The following LASP1 variants were observed in gnomAD, a reference collection of about 807,000 sequenced individuals.
LASP1 encodes LIM and SH3 domain protein 1.
LASP1 carries 10 observed loss-of-function variants against 38.6 expected under a neutral mutation model. That is an observed-to-expected ratio of 0.26 (90% confidence interval 0.16 to 0.44). The LOEUF (loss-of-function observed/expected upper bound fraction) is 0.44, where lower values mean the gene tolerates loss of function less well. LASP1 is among the 20% of genes least tolerant of loss of function. The probability of loss-of-function intolerance (pLI) is 1.00; values close to 1 mark genes in which losing one functional copy is unlikely to be tolerated. For missense variants in LASP1, 243 were observed against 375.7 expected (o/e 0.65, Z 2.92); for synonymous variants, 132 against 140.8 (o/e 0.94, Z 0.44).
intron 2 of LASP1, among the ~76,000 whole-genome samples, chr17:38,880,308 C>T (rs1288979417): frequency 6.6e-6 from 1 of 152,254 alleles, no homozygotes; most frequent in Non-Finnish European, 1.5e-5. Flanking sequence ...TGCGTTTTAT[C>T]AGCCTCATCC....
chr17:38,875,073 G>GTGTGTGTGTGTGTGTT (rs1555553213), intron 1 of LASP1, among the ~76,000 whole-genome samples: 1 of 147,496 alleles, frequency 6.8e-6, no homozygotes, highest in African/African-American at 2.5e-5. Context: ...GTGTGTGTGT[G>GTGTGTGTGTGTGTGTT]TGTGTGTGTG....
At chr17:38,898,600 G>A in intron 4 of LASP1, 81 bp downstream of exon 4, 1 of 1,086,116 alleles carries the variant, frequency 9.2e-7, no homozygotes, top group East Asian at 2.6e-5. Context: ...ACGCAAGCCT[G>A]GCAGATGTGA....
At chr17:38,907,148 T>A (rs1039669930) in intron 4 of LASP1, among the ~76,000 whole-genome samples, 3 of 152,148 alleles carry the variant, frequency 2.0e-5, no homozygotes, top group African/African-American at 7.2e-5. Context: ...ATTTCCTCAT[T>A]TGCTGGCGAG....
At position 38,903,212 on chromosome 17, in the gene LASP1, G is replaced by T. The variant is rs568515239; in HGVS notation, c.357+4693G>T. Among the ~76,000 whole-genome samples the T allele has an allele frequency of 3.9e-5, 6 of 152,284 alleles. No individual in the cohort carries two copies. The East Asian group carries it at 1.2e-3, about 29-fold the overall frequency. On this transcript the variant is annotated intron_variant, in intron 4 of 6. Coordinates refer to ENST00000318008, the MANE Select transcript of LASP1 (RefSeq NM_006148.4). ...ACAGTGAGGTAGGAAGAGATGGTAAGGGCCCAGATCCTAGCTTCTGTCATT... is the reference window on the plus strand; with the variant it reads ...ACAGTGAGGTAGGAAGAGATGGTAATGGCCCAGATCCTAGCTTCTGTCATT...
intron 3 of LASP1, among the ~76,000 whole-genome samples, chr17:38,893,144 T>C (rs1410082477): frequency 1.3e-5 from 2 of 152,240 alleles, no homozygotes; most frequent in East Asian, 3.9e-4. Flanking sequence ...GCTGCCCTGC[T>C]TGTGCAGAGC....
At chr17:38,893,675 A>C (rs1040383454) in intron 3 of LASP1, among the ~76,000 whole-genome samples, 1 of 152,122 alleles carries the variant, frequency 6.6e-6, no homozygotes, top group African/African-American at 2.4e-5. Context: ...TTCCTCTCAT[A>C]GCTTTGCTTC....
chr17:38,903,151 A>G (rs1286931799), intron 4 of LASP1, among the ~76,000 whole-genome samples: 1 of 152,182 alleles, frequency 6.6e-6, no homozygotes, highest in Non-Finnish European at 1.5e-5. Context: ...TGCTTTGGAT[A>G]AGTGCAGTCT....
chr17:38,914,524 G>A (rs1488006203), intron 5 of LASP1, 49 bp downstream of exon 5: 2 of 1,542,622 alleles, frequency 1.3e-6, no homozygotes, highest in African/African-American at 2.8e-5. Flanking sequence ...AGGCCAGTGG[G>A]GTGGGGAGGA....
chr17:38,914,562 C>G (rs769938594), intron 5 of LASP1, 87 bp downstream of exon 5: 218 of 1,439,674 alleles, frequency 1.5e-4, no homozygotes, highest in Non-Finnish European at 2.0e-4. Context: ...CAGACAGATA[C>G]ACCTTCCGGA....
At chr17:38,911,042 A>T (rs1357076064) in intron 4 of LASP1, among the ~76,000 whole-genome samples, 1 of 152,136 alleles carries the variant, frequency 6.6e-6, no homozygotes, top group Non-Finnish European at 1.5e-5. Flanking sequence ...CATGTTAAGA[A>T]GCAAAGCTCA....
intron 4 of LASP1, among the ~76,000 whole-genome samples, chr17:38,905,922 T>C (rs1240147446): frequency 1.3e-5 from 2 of 152,094 alleles, no homozygotes; most frequent in Admixed American, 1.3e-4. Flanking sequence ...TAGCCGTGCA[T>C]GGTGGCATCC....
chr17:38,892,878 C>CG (rs573825571), intron 3 of LASP1, among the ~76,000 whole-genome samples: 9 of 152,064 alleles, frequency 5.9e-5, no homozygotes, highest in South Asian at 2.1e-4. Context: ...GCTGGGTTCC[C>CG]GGGGGGGCCT....
chr17:38,893,002 T>C (rs1388949583), intron 3 of LASP1, among the ~76,000 whole-genome samples: 1 of 151,962 alleles, frequency 6.6e-6, no homozygotes, highest in African/African-American at 2.4e-5. Flanking sequence ...CGTGTATGTG[T>C]GTGTGTGTGT....
intron 3 of LASP1, among the ~76,000 whole-genome samples, chr17:38,891,208 T>C (rs1409945697): frequency 1.2e-5 from 1 of 81,636 alleles, no homozygotes; most frequent in South Asian, 4.0e-4. Flanking sequence ...TGGGGTGGGG[T>C]GGGGCGGGGC....
intron 1 of LASP1, among the ~76,000 whole-genome samples, chr17:38,870,881 A>G (rs973223643): frequency 5.3e-5 from 8 of 152,320 alleles, no homozygotes; most frequent in African/African-American, 1.9e-4. Context: ...CAGTCGTTAA[A>G]GGACTCGCAG....
At position 38,902,598 on chromosome 17, in the gene LASP1, T is replaced by C. The variant is rs1170624482; in HGVS notation, c.357+4079T>C. On this transcript the variant is annotated intron_variant, in intron 4 of 6. Coordinates refer to ENST00000318008, the MANE Select transcript of LASP1 (RefSeq NM_006148.4). ...AGGGTGTTTAGAGCCACACCTTTTGTTTTGTATCCAAAATAGCATTCCTGT... is the reference window on the plus strand; with the variant it reads ...AGGGTGTTTAGAGCCACACCTTTTGCTTTGTATCCAAAATAGCATTCCTGT... 2.0e-5 allele frequency among the ~76,000 whole-genome samples: 3 copies of C among 152,176 alleles called. No individual in the cohort carries two copies. In the East Asian group the frequency reaches 5.8e-4, roughly 29 times the overall value.
chr17:38,921,590 G>A lies in LASP1; in HGVS notation c.*2812G>A, dbSNP rs1915301632. ...TGTATGTGTGTGAGTGTGTGAAGCCGCCAGTTCATCTTTTTATATGGGGTT... is the reference window on the plus strand; with the variant it reads ...TGTATGTGTGTGAGTGTGTGAAGCCACCAGTTCATCTTTTTATATGGGGTT... On this transcript the variant is annotated 3_prime_UTR_variant, in exon 7 of 7. Transcript: ENST00000318008. 8.6e-6 allele frequency: 2 copies of A among 232,608 alleles called. No individual in the cohort carries two copies. Among genetic ancestry groups the A allele is most frequent in the East Asian group, 6.0e-5 (1 of 16,538 alleles). 14.4% of individuals were successfully genotyped at this position (232,608 alleles called of 1,614,324 possible).
At chr17:38,916,784 C>CT (rs1915142455) in intron 6 of LASP1, 1 of 151,942 alleles carries the variant, frequency 6.6e-6, no homozygotes. Flanking sequence ...TTGCTTGAAC[C>CT]TGGGAGGTGG....
At chr17:38,894,187 G>C (rs548951858) in intron 3 of LASP1, among the ~76,000 whole-genome samples, 1 of 152,144 alleles carries the variant, frequency 6.6e-6, no homozygotes, top group Non-Finnish European at 1.5e-5. Context: ...CCCACCCCCA[G>C]GCTGAGCAGA....
Sources: allele counts gnomAD v4.1 joint callset (sites outside exome capture counted in the v4.1 genomes callset), GRCh38; gene constraint gnomAD v4.1.1; transcripts MANE v1.5; gene names NCBI Gene and HGNC (gene_info 2026-07-23, HGNC 2026-07-21).